COL25A1: variants seen among roughly 807,000 people sequenced by gnomAD.
The protein encoded by COL25A1 is collagen alpha-1(XXV) chain.
Under a neutral mutation model 128.4 loss-of-function variants are expected in COL25A1, and 103 were observed. That is an observed-to-expected ratio of 0.80 (90% CI 0.68 to 0.94). The LOEUF (loss-of-function observed/expected upper bound fraction) is 0.94, where lower values mean the gene tolerates loss of function less well. COL25A1 is among the 40% of genes least tolerant of loss of function. COL25A1 has a pLI of 0.00. For synonymous variants in COL25A1, 279 were observed against 277.2 expected, an observed-to-expected ratio of 1.01 and a Z score of -0.06; for missense variants, 745 against 840.0, an observed-to-expected ratio of 0.89 and a Z score of 1.40.
intron 3 of COL25A1, among the ~76,000 whole-genome samples, chr4:109,165,101 T>A (rs938721860): frequency 6.6e-6 from 1 of 152,214 alleles, no homozygotes; most frequent in Admixed American, 6.5e-5. Flanking sequence ...AGAACTAGAC[T>A]GTGTATTCTC....
chr4:109,205,131 G>A (rs1776875274), intron 3 of COL25A1, among the ~76,000 whole-genome samples: 1 of 152,102 alleles, frequency 6.6e-6, no homozygotes, highest in Non-Finnish European at 1.5e-5. Flanking sequence ...CTGAATTATG[G>A]AAAATCTGTT....
chr4:109,092,841 CT>C, intron 3 of COL25A1, among the ~76,000 whole-genome samples: 1 of 152,248 alleles, frequency 6.6e-6, no homozygotes, highest in East Asian at 1.9e-4. Context: ...GAAGATCCAG[CT>C]TGAGTCTTGG....
rs1736943568 is a variant in COL25A1, at chr4:108,859,704, T to C, written c.1272A>G (p.Gly424=). The part of the protein sequence containing the change: ...RGPPGQKGDQ[G]ATEIIDYNGN... The stretch of plus-strand genomic sequence containing the variant: ...CGTTGTAGTCTATGATCTCAGTGGC[T>C]CCTTGATCCCCTTTTTGACCAGGTG... Residue 424 remains glycine (G), a synonymous_variant, in exon 24 of 38, where the codon GGA becomes GGG. Coordinates refer to ENST00000399132, the MANE Select transcript of COL25A1 (RefSeq NM_198721.4). 29 of 1,613,890 alleles carry C rather than the reference T, an allele frequency of 1.8e-5. No individual in the cohort carries two copies. The highest frequency in any genetic ancestry group is 2.5e-5 in the Non-Finnish European group (29 of 1,179,914).
intron 22 of COL25A1, among the ~76,000 whole-genome samples, chr4:108,862,156 A>T (rs1399736000): frequency 6.6e-6 from 1 of 152,250 alleles, no homozygotes; most frequent in Non-Finnish European, 1.5e-5. Context: ...TCGAGCATTT[A>T]TCACAAAGAC....
intron 8 of COL25A1, among the ~76,000 whole-genome samples, chr4:108,957,852 A>G (rs1750247891): frequency 6.6e-6 from 1 of 152,142 alleles, no homozygotes; most frequent in Admixed American, 6.6e-5. Flanking sequence ...CACTCTTTTA[A>G]AATAGGACAA....
At chr4:109,259,023 T>G (rs1034580148) in intron 3 of COL25A1, among the ~76,000 whole-genome samples, 1 of 152,238 alleles carries the variant, frequency 6.6e-6, no homozygotes, top group Non-Finnish European at 1.5e-5. Flanking sequence ...TTTCATATTA[T>G]GTCAAAGTTT....
At chr4:108,966,914 G>GAAAGAGAGAAAAGAAAGAAAGA (rs1473094462) in intron 8 of COL25A1, among the ~76,000 whole-genome samples, 3 of 94,712 alleles carry the variant, frequency 3.2e-5, no homozygotes, top group Non-Finnish European at 5.0e-5. Flanking sequence ...AGGGAAAAAG[G>GAAAGAGAGAAAAGAAAGAAAGA]AAAGAGAGAA....
At chr4:108,835,517 G>T (rs1365535636) in intron 31 of COL25A1, among the ~76,000 whole-genome samples, 1 of 151,480 alleles carries the variant, frequency 6.6e-6, no homozygotes, top group Non-Finnish European at 1.5e-5. Context: ...AATTTCTTCT[G>T]TATAATCCAT....
intron 3 of COL25A1, among the ~76,000 whole-genome samples, chr4:109,185,286 A>G (rs969657599): frequency 1.3e-5 from 2 of 152,164 alleles, no homozygotes; most frequent in East Asian, 3.8e-4. Context: ...GGATAATAAT[A>G]ATCATCATTT....
At chr4:109,184,925 T>G (rs1774999336) in intron 3 of COL25A1, among the ~76,000 whole-genome samples, 1 of 152,186 alleles carries the variant, frequency 6.6e-6, no homozygotes, top group Non-Finnish European at 1.5e-5. Flanking sequence ...ATCTTTCTCC[T>G]GGGGAATCCC....
chr4:108,960,671 C>A (rs1578897023), intron 8 of COL25A1, among the ~76,000 whole-genome samples: 1 of 152,116 alleles, frequency 6.6e-6, no homozygotes, highest in Non-Finnish European at 1.5e-5. Flanking sequence ...CATTCTAGAA[C>A]CATCTTCTTC....
chr4:109,003,624 A>AGTTGGTC (rs1450968346), intron 6 of COL25A1, among the ~76,000 whole-genome samples: 2 of 152,228 alleles, frequency 1.3e-5, no homozygotes, highest in African/African-American at 4.8e-5. Context: ...AACATGGTGA[A>AGTTGGTC]ACCCAGTCTC....
At chr4:109,269,156 C>G (rs1782005799) in intron 3 of COL25A1, among the ~76,000 whole-genome samples, 1 of 146,612 alleles carries the variant, frequency 6.8e-6, no homozygotes, top group Non-Finnish European at 1.5e-5. Flanking sequence ...TTGTTCAATT[C>G]CCACCTATGA....
intron 3 of COL25A1, among the ~76,000 whole-genome samples, chr4:109,081,179 A>G (rs1763805060): frequency 6.6e-6 from 1 of 152,138 alleles, no homozygotes. Context: ...CTTGACCGGA[A>G]CAATGTACAA....
chr4:108,884,316 T>G, intron 18 of COL25A1, 94 bp from the exon 19 acceptor site: 1 of 1,138,878 alleles, frequency 8.8e-7, no homozygotes, highest in Non-Finnish European at 1.3e-6. Flanking sequence ...CTCAATACTT[T>G]CTGCAAAGAT....
chr4:109,173,314 C>G (rs1773770709), intron 3 of COL25A1, among the ~76,000 whole-genome samples: 1 of 152,036 alleles, frequency 6.6e-6, no homozygotes. Flanking sequence ...TCTCAAACAC[C>G]TGGGCTCAAA....
intron 3 of COL25A1, among the ~76,000 whole-genome samples, chr4:109,239,415 TA>T (rs1426413987): frequency 1.7e-3 from 230 of 138,042 alleles, no homozygotes; most frequent in African/African-American, 5.2e-3. Context: ...TATATATATA[TA>T]TATATATTTA....
intron 19 of COL25A1, among the ~76,000 whole-genome samples, chr4:108,873,556 T>C (rs28439474): frequency 8.8e-6 from 1 of 114,182 alleles, no homozygotes; most frequent in African/African-American, 2.9e-5. Flanking sequence ...GTAGTAGTAG[T>C]AGTAGCAGCA....
intron 3 of COL25A1, among the ~76,000 whole-genome samples, chr4:109,067,333 T>A (rs552646651): frequency 3.3e-5 from 5 of 152,324 alleles, no homozygotes; most frequent in Middle Eastern, 3.4e-3. Context: ...ACCCATACTT[T>A]TTGAATGTAT....
Sources: allele counts gnomAD v4.1 joint callset (sites outside exome capture counted in the v4.1 genomes callset), GRCh38; gene constraint gnomAD v4.1.1; transcripts MANE v1.5; gene names NCBI Gene and HGNC (gene_info 2026-07-23, HGNC 2026-07-21).